Variants in RYR1 observed in about 807,000 individuals in gnomAD.
RYR1 encodes central core disease of muscle.
Under a neutral mutation model 583.5 loss-of-function variants are expected in RYR1, and 342 were observed. The observed-to-expected ratio is 0.59, with a 90% confidence interval of 0.54 to 0.64. RYR1 has a LOEUF of 0.64. RYR1 is among the 30% of genes least tolerant of loss of function. RYR1 has a pLI of 0.00. For synonymous variants in RYR1, 2,791 were observed against 2,822.5 expected (o/e 0.99, Z 0.35); for missense variants, 6,032 against 6,917.2 (o/e 0.87, Z 4.54).
chr19:38,446,812 C>G, intron 9 of RYR1, 44 bp downstream of exon 9: 1 of 1,517,494 alleles, frequency 6.6e-7, no homozygotes, highest in African/African-American at 1.4e-5. Flanking sequence ...AGGCTGGGGT[C>G]ACCTGGCAGG....
At chr19:38,536,702 T>G in intron 82 of RYR1, 48 bp from the exon 83 acceptor site, 1 of 1,612,598 alleles carries the variant, frequency 6.2e-7, no homozygotes, top group South Asian at 1.1e-5. Flanking sequence ...CCCTCTCTTT[T>G]TCTCTCTTTT....
chr19:38,585,261 T>C (rs1974422634), intron 102 of RYR1, among the ~76,000 whole-genome samples, 162 bp downstream of exon 102: 1 of 151,666 alleles, frequency 6.6e-6, no homozygotes, highest in Admixed American at 6.6e-5. Flanking sequence ...TTTCTCCATC[T>C]GCAAAACGAG....
chr19:38,574,894 GC>G, intron 96 of RYR1, among the ~76,000 whole-genome samples: 1 of 151,910 alleles, frequency 6.6e-6, no homozygotes, highest in African/African-American at 2.4e-5. Context: ...AAAAAAATTA[GC>G]TGGGCGTGGC....
At chr19:38,541,980 G>T (rs117887280) in intron 84 of RYR1, among the ~76,000 whole-genome samples, 1 of 149,580 alleles carries the variant, frequency 6.7e-6, no homozygotes, top group Non-Finnish European at 1.5e-5. Flanking sequence ...GAGGTGGGAG[G>T]ACCACTTGAA....
intron 93 of RYR1, 59 bp from the exon 94 acceptor site, chr19:38,570,548 A>G (rs1448479750): frequency 7.6e-6 from 10 of 1,319,274 alleles, no homozygotes; most frequent in Non-Finnish European, 8.8e-6. Context: ...GATGGGATGA[A>G]TTCTCCAGGG....
intron 89 of RYR1, among the ~76,000 whole-genome samples, chr19:38,558,586 C>T (rs1227838708): frequency 6.6e-6 from 1 of 152,108 alleles, no homozygotes; most frequent in Non-Finnish European, 1.5e-5. Context: ...CAAGACCAGC[C>T]TGGCCAACAT....
chr19:38,515,247 G>A (rs1237999788), intron 64 of RYR1, 140 bp downstream of exon 64: 2 of 731,956 alleles, frequency 2.7e-6, no homozygotes, highest in African/African-American at 1.8e-5. Flanking sequence ...GGTTCCCCAC[G>A]GCGGCCGCGT....
chr19:38,497,176 C>A (rs80007783), intron 42 of RYR1, among the ~76,000 whole-genome samples: 1 of 149,312 alleles, frequency 6.7e-6, no homozygotes, highest in African/African-American at 2.5e-5. Context: ...CGCTTCCCGT[C>A]TGGGGGCAGG....
chr19:38,458,329 C>T (rs1461642958), intron 18 of RYR1, 37 bp downstream of exon 18: 3 of 1,591,300 alleles, frequency 1.9e-6, no homozygotes, highest in East Asian at 2.2e-5. Flanking sequence ...CACCCCTGAC[C>T]ATTGACCCCA....
Position 38,496,505 on chromosome 19 carries a change from C to T in RYR1, c.6760C>T (p.Leu2254=), listed in dbSNP as rs1969834718. The T allele has an allele frequency of 6.2e-7, 1 of 1,613,504 alleles. No homozygotes were observed. The change falls in exon 41 of 106, where the codon CTG becomes TTG. Residue 2254 remains leucine (L), a synonymous_variant. Transcript: ENST00000359596. This position sits in a 1 kb window ranked among gnomAD's most constrained non-coding sequence, Gnocchi z 4.8. ...GAACCAGCGCTCCATGTTTGACCAC[C>T]TGAGCTACCTGCTGGAGAACAGTGG... The part of the protein sequence containing the change: ...RQNQRSMFDH[L]SYLLENSGIG...
rs769727419 is a variant in RYR1, at chr19:38,543,760, C to G, written c.11908-11C>G. ...ATTCCCTTCCCCCCCACACGGCACTCTGCCTCCCAGGGTCCCTGCACCGGG... is the reference window on the plus strand; with the variant it reads ...ATTCCCTTCCCCCCCACACGGCACTGTGCCTCCCAGGGTCCCTGCACCGGG... On this transcript the variant is annotated splice_polypyrimidine_tract_variant and intron_variant, in intron 86 of 105. Transcript: ENST00000359596. This position sits in a 1 kb window ranked among gnomAD's most constrained non-coding sequence, Gnocchi z 4.4. 1.2e-6 allele frequency: 2 copies of G among 1,612,498 alleles called. No individual in the cohort carries two copies. Among genetic ancestry groups the G allele is most frequent in the South Asian group, 1.1e-5 (1 of 91,074 alleles).
Position 38,433,784 on chromosome 19 carries a change from C to CT in RYR1, c.-46_-45insT, listed in dbSNP as rs765147903. On this transcript the variant is annotated 5_prime_UTR_variant, in exon 1 of 106. Coordinates refer to ENST00000359596, the MANE Select transcript of RYR1 (RefSeq NM_000540.3). ...CCTCCCGCCCAGCCCGCAGCCCCCT[C>CT]CCTCTGTTCCCCGACCTCAGACCCT... 1.5e-6 allele frequency: 2 copies of CT among 1,351,764 alleles called. No individual in the cohort carries two copies. Among genetic ancestry groups the CT allele is most frequent in the Non-Finnish European group, 2.1e-6 (2 of 942,136 alleles). The allele number at this position is 1,351,764 out of a possible 1,614,324, so 83.7% of individuals were successfully genotyped here. A position where few individuals can be genotyped will look rare whatever the true frequency, so the allele number is the denominator to read the frequency against.
chr19:38,572,950 A>AC (rs1340936415), intron 95 of RYR1, among the ~76,000 whole-genome samples: 11 of 121,428 alleles, frequency 9.1e-5, no homozygotes, highest in Middle Eastern at 5.2e-3. Context: ...TCCAGCCCTG[A>AC]CCCCCCTGCC....
chr19:38,532,247 G>A (rs1028187547), intron 76 of RYR1, among the ~76,000 whole-genome samples: 3 of 151,152 alleles, frequency 2.0e-5, no homozygotes, highest in Admixed American at 1.3e-4. Context: ...TCAGCCTCCC[G>A]AGTAGCTGGG....
intron 1 of RYR1, among the ~76,000 whole-genome samples, chr19:38,434,759 G>C (rs1411727685): frequency 6.6e-6 from 1 of 152,150 alleles, no homozygotes; most frequent in Admixed American, 6.6e-5. Context: ...GCTCCGCAGG[G>C]TGTGGGGTCG....
intron 34 of RYR1, among the ~76,000 whole-genome samples, 194 bp from the exon 35 acceptor site, chr19:38,488,965 TGTGTGGGTGGGACACAGG>T (rs779379820): frequency 3.9e-5 from 6 of 152,164 alleles, no homozygotes; most frequent in Non-Finnish European, 8.8e-5. Flanking sequence ...TGGTCTGGGC[TGTGTGGGTGGGACACAGG>T]GTGTGGACCT....
intron 27 of RYR1, among the ~76,000 whole-genome samples, chr19:38,469,755 A>C (rs1206885357): frequency 6.6e-6 from 1 of 151,694 alleles, no homozygotes. Flanking sequence ...AACAAGCAAA[A>C]CTCCATCTCT....
At position 38,527,699 on chromosome 19, in the gene RYR1, C is replaced by T. The variant is rs752129165; in HGVS notation, c.10739C>T (p.Pro3580Leu). Residue 3580 changes from proline (P) to leucine (L), a missense_variant, in exon 73 of 106, where the codon CCG (proline) becomes CTG (leucine). Pro to Leu is a moderately conservative substitution (Grantham distance 98). This residue lies in a region of RYR1 where 1,493 missense variants were observed against 1,715.5 expected (regional missense o/e 0.87). Coordinates refer to ENST00000359596, the MANE Select transcript of RYR1 (RefSeq NM_000540.3). Reference protein sequence around the residue: ...RWQMALYRGVPGREEDADDPE... With the variant: ...RWQMALYRGVLGREEDADDPE... ...CAGATGGCTCTGTACCGGGGCGTCCCGGGTCGCGAGGAGGACGCCGATGAC... is the reference window on the plus strand; with the variant it reads ...CAGATGGCTCTGTACCGGGGCGTCCTGGGTCGCGAGGAGGACGCCGATGAC... 7 of 1,614,082 alleles carry T rather than the reference C, an allele frequency of 4.3e-6. No homozygotes were observed. The highest frequency in any genetic ancestry group is 4.5e-5 in the East Asian group (2 of 44,878).
chr19:38,448,317 G>GGGGT, intron 9 of RYR1, 38 bp from the exon 10 acceptor site: 1 of 1,596,560 alleles, frequency 6.3e-7, no homozygotes, highest in East Asian at 2.2e-5. Context: ...GGAGAACTGG[G>GGGGT]GGGTCCTCTG....
Sources: allele counts gnomAD v4.1 joint callset (sites outside exome capture counted in the v4.1 genomes callset), GRCh38; gene constraint gnomAD v4.1.1; regional missense constraint gnomAD v4.1.1; non-coding constraint Gnocchi (gnomAD v3.1); transcripts MANE v1.5; gene names NCBI Gene and HGNC (gene_info 2026-07-23, HGNC 2026-07-21).